The following B4GALNT3 variants were observed in gnomAD, a reference collection of about 807,000 sequenced individuals.
B4GALNT3 encodes the protein beta-1,4-N-acetylgalactosaminyltransferase 3.
Under a neutral mutation model 120.2 loss-of-function variants are expected in B4GALNT3, and 86 were observed. That is an observed-to-expected ratio of 0.72 (90% CI 0.60 to 0.86). The LOEUF is 0.86. Ranked by LOEUF, B4GALNT3 falls within the 40% of genes least tolerant of loss-of-function variation. The pLI is 0.00. For missense variants in B4GALNT3, 1,167 were observed against 1,298.9 expected (o/e 0.90, Z 1.56); for synonymous variants, 518 against 510.4 (o/e 1.01, Z -0.20).
At chr12:484,125 C>T (rs1946266975) in intron 1 of B4GALNT3, among the ~76,000 whole-genome samples, 2 of 152,210 alleles carry the variant, frequency 1.3e-5, no homozygotes, top group African/African-American at 4.8e-5. Context: ...TTTCAGGTGA[C>T]ACCTTCTCTA....
chr12:521,411 C>T (rs1001626838), intron 1 of B4GALNT3, among the ~76,000 whole-genome samples: 2 of 152,156 alleles, frequency 1.3e-5, no homozygotes, highest in East Asian at 3.8e-4. Context: ...TAATCACTGC[C>T]GTGGTTCCTG....
intron 15 of B4GALNT3, among the ~76,000 whole-genome samples, chr12:557,184 C>T (rs1947167079): frequency 1.3e-5 from 2 of 152,072 alleles, no homozygotes; most frequent in African/African-American, 4.8e-5. Context: ...GGGCAGCGTA[C>T]TTAATGAAGT....
At chr12:462,265 G>T (rs1946029285) in intron 1 of B4GALNT3, among the ~76,000 whole-genome samples, 1 of 151,888 alleles carries the variant, frequency 6.6e-6, no homozygotes, top group Non-Finnish European at 1.5e-5. Flanking sequence ...TTAGCCAGTG[G>T]GATCTTGTGC....
intron 1 of B4GALNT3, among the ~76,000 whole-genome samples, chr12:475,667 T>G (rs565641172): frequency 5.9e-4 from 90 of 152,276 alleles, no homozygotes; most frequent in Admixed American, 5.8e-3. Context: ...GAAGCCTTCC[T>G]CAATTATTTT....
At chr12:471,316 CG>C (rs1284461504) in intron 1 of B4GALNT3, among the ~76,000 whole-genome samples, 1 of 151,182 alleles carries the variant, frequency 6.6e-6, no homozygotes, top group Non-Finnish European at 1.5e-5. Context: ...ACCCAGGAGG[CG>C]GAGGTTTCAG....
Position 460,385 on chromosome 12 carries a change from C to T in B4GALNT3, c.9C>T (p.Ser3=). 2.8e-6 allele frequency: 4 copies of T among 1,452,274 alleles called. No individual in the cohort carries two copies. The highest frequency in any genetic ancestry group is 1.8e-6 in the Non-Finnish European group (2 of 1,102,340). 90.0% of individuals were successfully genotyped at this position (1,452,274 alleles called of 1,614,324 possible). MG[S]PRAARPPLLL... ...CGCCTCGGCGCAGCGCCATGGGGAG[C>T]CCCCGGGCCGCGCGGCCCCCGCTGC... Residue 3 remains serine, a synonymous_variant, in exon 1 of 20, where the codon AGC becomes AGT. Coordinates refer to ENST00000266383, the MANE Select transcript of B4GALNT3 (RefSeq NM_173593.4). This position sits in a 1 kb window ranked among gnomAD's most constrained non-coding sequence, Gnocchi z 8.0.
intron 1 of B4GALNT3, among the ~76,000 whole-genome samples, chr12:465,047 C>T (rs1946063328): frequency 6.6e-6 from 1 of 152,146 alleles, no homozygotes. Context: ...GATGTGTGGG[C>T]AGAGGAGGGA....
chr12:548,385 G>A lies in B4GALNT3; in HGVS notation c.853+88G>A, dbSNP rs1321625383. On this transcript the variant is annotated intron_variant, in intron 9 of 19. Coordinates refer to ENST00000266383, the MANE Select transcript of B4GALNT3 (RefSeq NM_173593.4). This position sits in a 1 kb window ranked among gnomAD's most constrained non-coding sequence, Gnocchi z 4.9. ...ATTTGGCAGGGGAGGAGGGGAGGAG[G>A]GGAGGAAGGAAGCTCGAGATGCTTG... 2 of 1,323,600 alleles carry A rather than the reference G, an allele frequency of 1.5e-6. No individual in the cohort carries two copies. Among genetic ancestry groups the A allele is most frequent in the Non-Finnish European group, 2.2e-6 (2 of 924,360 alleles). 82.0% of individuals were successfully genotyped at this position (1,323,600 alleles called of 1,614,324 possible). A position where few individuals can be genotyped will look rare whatever the true frequency, so the allele number is the denominator to read the frequency against.
chr12:552,100 G>T lies in B4GALNT3; in HGVS notation c.1145G>T (p.Arg382Leu), dbSNP rs781629095. 6 of 1,612,880 alleles carry T rather than the reference G, an allele frequency of 3.7e-6. No homozygotes were observed. The highest frequency in any genetic ancestry group is 3.3e-5 in the Admixed American group (2 of 59,958). ...LSFVYPNDYT[R>L]LSHMETHNKC... ...TTTGTTTACCCCAATGACTATACCC[G>T]CCTGAGCCACATGGAGACCCACAAT... Residue 382 changes from arginine to leucine, a missense_variant, in exon 12 of 20, where the codon CGC becomes CTC. By Grantham distance (102) the Arg-to-Leu change is moderately radical. Coordinates refer to ENST00000266383, the MANE Select transcript of B4GALNT3 (RefSeq NM_173593.4).
At chr12:504,719 A>G (rs527496312) in intron 1 of B4GALNT3, among the ~76,000 whole-genome samples, 2 of 152,074 alleles carry the variant, frequency 1.3e-5, no homozygotes, top group Non-Finnish European at 2.9e-5. Flanking sequence ...CAAAAAAACA[A>G]ACAAACAAAA....
At chr12:501,932 T>A (rs1357401272) in intron 1 of B4GALNT3, among the ~76,000 whole-genome samples, 2 of 152,298 alleles carry the variant, frequency 1.3e-5, no homozygotes, top group African/African-American at 4.8e-5. Flanking sequence ...CCAGGGTGAC[T>A]TGATGGATTC....
At chr12:523,213 G>A (rs900929024) in intron 1 of B4GALNT3, among the ~76,000 whole-genome samples, 12 of 152,070 alleles carry the variant, frequency 7.9e-5, no homozygotes, top group African/African-American at 2.7e-4. Context: ...GCCCAGAATC[G>A]TGACCAGCAG....
At chr12:472,104 T>C (rs1946142708) in intron 1 of B4GALNT3, among the ~76,000 whole-genome samples, 1 of 152,204 alleles carries the variant, frequency 6.6e-6, no homozygotes, top group Non-Finnish European at 1.5e-5. Flanking sequence ...TAGCATAAGC[T>C]AAGTGGAAAG....
At chr12:540,901 G>A (rs981182846) in intron 3 of B4GALNT3, among the ~76,000 whole-genome samples, 4 of 152,048 alleles carry the variant, frequency 2.6e-5, no homozygotes, top group East Asian at 1.9e-4. Flanking sequence ...CCACCACCGC[G>A]CCCAGCTAAT....
intron 1 of B4GALNT3, among the ~76,000 whole-genome samples, chr12:462,949 T>C (rs1209926908): frequency 6.6e-6 from 1 of 151,720 alleles, no homozygotes; most frequent in Non-Finnish European, 1.5e-5. Context: ...GGGAAGGGGG[T>C]TGCTAGCATT....
chr12:547,761 C>T (rs568967683), intron 7 of B4GALNT3, among the ~76,000 whole-genome samples: 1 of 152,284 alleles, frequency 6.6e-6, no homozygotes, highest in East Asian at 1.9e-4. Flanking sequence ...TGAGCTCTAA[C>T]GGCTTCTGTT....
chr12:489,732 A>G (rs1228993394), intron 1 of B4GALNT3, among the ~76,000 whole-genome samples: 1 of 152,228 alleles, frequency 6.6e-6, no homozygotes, highest in African/African-American at 2.4e-5. Context: ...TAAAGACATA[A>G]TTGAACTTAA....
rs1947012132 is a variant in B4GALNT3 at position 546,696 on chromosome 12, A to G, written c.690A>G (p.Gln230=). Residue 230 remains glutamine, a synonymous_variant, in exon 7 of 20, where the codon CAA becomes CAG. Coordinates refer to ENST00000266383, the MANE Select transcript of B4GALNT3 (RefSeq NM_173593.4). ...APGEFGKFRS[Q]ISKPVSLSAS... is the part of the protein sequence containing the mutation. ...GAGAGTTTGGGAAATTTCGGAGCCA[A>G]ATTTCCAAGCCGGTGAGGTGAGTGA... 1 of 1,551,296 alleles carries G rather than the reference A, an allele frequency of 6.4e-7. No individual in the cohort carries two copies.
rs899440472 is a variant in B4GALNT3, at chr12:524,655, GAA to G, written c.170-10506_170-10505del. Among the ~76,000 whole-genome samples the G allele has an allele frequency of 5.9e-4, 62 of 104,202 alleles. 1 individual carries two copies. The highest frequency in any genetic ancestry group is 1.9e-3 in the African/African-American group (61 of 32,510). The allele number at this position is 104,202 out of a possible 152,430, so 68.4% of individuals were successfully genotyped here. ...AAGACATGTTAAAAAAAAAAAAAAA[GAA>G]AAAAGAAAAGAAAACAAACGAGTTA... is the stretch of plus-strand genomic sequence containing the variant. On this transcript the variant is annotated intron_variant, in intron 1 of 19. Coordinates refer to ENST00000266383, the MANE Select transcript of B4GALNT3 (RefSeq NM_173593.4).
Sources: allele counts gnomAD v4.1 joint callset (sites outside exome capture counted in the v4.1 genomes callset), GRCh38; gene constraint gnomAD v4.1.1; non-coding constraint Gnocchi (gnomAD v3.1); transcripts MANE v1.5; gene names NCBI Gene and HGNC (gene_info 2026-07-23, HGNC 2026-07-21).